The following RBFOX1 variants were observed in gnomAD, a reference collection of about 807,000 sequenced individuals.
RBFOX1 encodes RNA binding protein fox-1 homolog 1.
RBFOX1 carries 8 observed loss-of-function variants against 57.7 expected under a neutral mutation model. That is an observed-to-expected ratio of 0.14 (90% CI 0.08 to 0.25). The LOEUF (loss-of-function observed/expected upper bound fraction) is 0.25, where lower values mean the gene tolerates loss of function less well. Among genes scored for constraint, RBFOX1 ranks in the 10% least tolerant of loss-of-function variants. The probability of loss-of-function intolerance (pLI) is 1.00; values close to 1 mark genes in which losing one functional copy is unlikely to be tolerated. For missense variants in RBFOX1, 611 were observed against 548.5 expected (o/e 1.11, Z -1.14); for synonymous variants, 326 against 222.4 (o/e 1.47, Z -4.15).
intron 1 of RBFOX1, among the ~76,000 whole-genome samples, chr16:6,100,324 G>A: frequency 6.6e-6 from 1 of 152,142 alleles, no homozygotes; most frequent in Non-Finnish European, 1.5e-5. Context: ...CATTACGCCT[G>A]GCTAATGTTT....
At chr16:5,568,277 C>A (rs2046144257) in intron 2 of RBFOX1, among the ~76,000 whole-genome samples, 1 of 152,176 alleles carries the variant, frequency 6.6e-6, no homozygotes. Context: ...CACCTCCTTG[C>A]CTTTGCCCAA....
chr16:6,421,625 C>T (rs1295822986), intron 2 of RBFOX1, among the ~76,000 whole-genome samples: 1 of 152,176 alleles, frequency 6.6e-6, no homozygotes, highest in East Asian at 1.9e-4. Context: ...TTCCTGCCTC[C>T]TAGCGTCACC....
intron 4 of RBFOX1, among the ~76,000 whole-genome samples, chr16:7,392,441 A>G (rs562513797): frequency 6.6e-6 from 1 of 152,174 alleles, no homozygotes; most frequent in South Asian, 2.1e-4. Flanking sequence ...TAGGTACTCC[A>G]CAAGCAGTTA....
At chr16:7,195,339 A>C (rs1409505610) in intron 4 of RBFOX1, among the ~76,000 whole-genome samples, 6 of 152,162 alleles carry the variant, frequency 3.9e-5, no homozygotes, top group Non-Finnish European at 7.3e-5. Flanking sequence ...TGTCTTTTCT[A>C]GCCAGTTTCA....
chr16:7,165,252 C>T (rs1295906481), intron 4 of RBFOX1, among the ~76,000 whole-genome samples: 1 of 151,892 alleles, frequency 6.6e-6, no homozygotes, highest in African/African-American at 2.4e-5. Context: ...GTGCATTGCT[C>T]CAAGATGCCT....
At position 7,505,871 on chromosome 16, in the gene RBFOX1, C is replaced by T. The variant is rs34876817; in HGVS notation, c.28-12276C>T. 5.7e-3 allele frequency among the ~76,000 whole-genome samples: 868 copies of T among 152,198 alleles called. 8 individuals carry two copies. The highest frequency in any genetic ancestry group is 8.4e-3 in the Non-Finnish European group (568 of 67,992). On this transcript the variant is annotated intron_variant, in intron 4 of 15. Transcript: ENST00000550418. ...TTTATGAATTATGGCTTCAGCACAA[C>T]TTTAGAGTTCTTTGTTCAAGAGATA...
chr16:6,316,937 G>C, intron 1 of RBFOX1, 58 bp from the exon 2 acceptor site: 1 of 1,468,382 alleles, frequency 6.8e-7, no homozygotes, highest in South Asian at 1.2e-5. Context: ...AAAAAGTGCG[G>C]ACAAAATTCA....
chr16:6,277,936 C>G (rs1221745667), intron 1 of RBFOX1, among the ~76,000 whole-genome samples: 1 of 152,148 alleles, frequency 6.6e-6, no homozygotes, highest in Non-Finnish European at 1.5e-5. Context: ...TCACAGCTCA[C>G]TTTTACTTGG....
chr16:6,577,182 A>C (rs917269316), intron 2 of RBFOX1: 29 of 151,980 alleles, frequency 1.9e-4, no homozygotes, highest in African/African-American at 6.3e-4. Flanking sequence ...TGTGTGGATC[A>C]GGAAGCTCCC....
At chr16:7,036,164 C>G (rs970051090) in intron 3 of RBFOX1, among the ~76,000 whole-genome samples, 2 of 151,338 alleles carry the variant, frequency 1.3e-5, no homozygotes, top group African/African-American at 4.9e-5. Context: ...ATTTCCTTGT[C>G]TGGAGAATTG....
At chr16:6,800,342 C>T (rs964798752) in intron 3 of RBFOX1, among the ~76,000 whole-genome samples, 3 of 152,098 alleles carry the variant, frequency 2.0e-5, no homozygotes, top group African/African-American at 4.8e-5. Context: ...TCAGGGCTAC[C>T]TATTTTTGTT....
chr16:6,933,269 A>G (rs1332039135), intron 3 of RBFOX1, among the ~76,000 whole-genome samples: 1 of 152,216 alleles, frequency 6.6e-6, no homozygotes, highest in Non-Finnish European at 1.5e-5. Context: ...AGTGAAATTG[A>G]TGAATCATAG....
intron 2 of RBFOX1, among the ~76,000 whole-genome samples, chr16:6,520,217 T>C (rs922862755): frequency 2.0e-5 from 3 of 152,186 alleles, no homozygotes; most frequent in Non-Finnish European, 4.4e-5. Context: ...GTATGTGCTT[T>C]TTAAAGAAAG....
At chr16:5,369,261 C>G (rs892800403) in intron 1 of RBFOX1, among the ~76,000 whole-genome samples, 1 of 152,224 alleles carries the variant, frequency 6.6e-6, no homozygotes, top group African/African-American at 2.4e-5. Context: ...CTTGGTCTCC[C>G]AAAGTGCTGA....
intron 3 of RBFOX1, among the ~76,000 whole-genome samples, chr16:7,009,784 C>T (rs1389829314): frequency 6.6e-6 from 1 of 152,180 alleles, no homozygotes; most frequent in Non-Finnish European, 1.5e-5. Context: ...AGCTCTGTAA[C>T]CTGCTTGCCT....
At chr16:5,772,368 C>G (rs540501779) in intron 3 of RBFOX1, among the ~76,000 whole-genome samples, 17 of 152,202 alleles carry the variant, frequency 1.1e-4, no homozygotes, top group African/African-American at 3.9e-4. Flanking sequence ...CACCCAAATT[C>G]CTGAGCTCCA....
intron 5 of RBFOX1, among the ~76,000 whole-genome samples, chr16:7,542,368 T>C (rs143845361): frequency 7.9e-5 from 12 of 152,282 alleles, no homozygotes; most frequent in African/African-American, 2.9e-4. Flanking sequence ...CTCTTGACTT[T>C]CCACCCCACC....
At chr16:5,464,884 A>G (rs2068905178) in intron 1 of RBFOX1, among the ~76,000 whole-genome samples, 1 of 152,144 alleles carries the variant, frequency 6.6e-6, no homozygotes, top group African/African-American at 2.4e-5. Context: ...CCCAGGAGGA[A>G]GGTCTGTATC....
At chr16:6,228,004 C>A (rs183679415) in intron 1 of RBFOX1, among the ~76,000 whole-genome samples, 1 of 152,256 alleles carries the variant, frequency 6.6e-6, no homozygotes, top group African/African-American at 2.4e-5. Context: ...TTTATTGCAG[C>A]ACTATTCAAA....
Sources: allele counts gnomAD v4.1 joint callset (sites outside exome capture counted in the v4.1 genomes callset), GRCh38; gene constraint gnomAD v4.1.1; transcripts MANE v1.5; gene names NCBI Gene and HGNC (gene_info 2026-07-23, HGNC 2026-07-21).